The following NR2F1-AS1 variants were observed in gnomAD, a reference collection of about 807,000 sequenced individuals.
NR2F1-AS1 encodes the protein NR2F1 antisense RNA 1.
chr5:93,553,693 T>C (rs962280303), intron 4 of NR2F1-AS1: 3 of 152,220 alleles, frequency 2.0e-5, no homozygotes, highest in Admixed American at 6.5e-5. Context: ...AAACTGTTGT[T>C]TGATAATGCT....
chr5:93,428,855 A>T (rs906103977), intron 4 of NR2F1-AS1, among the ~76,000 whole-genome samples: 1 of 152,218 alleles, frequency 6.6e-6, no homozygotes, highest in Non-Finnish European at 1.5e-5. Context: ...TTTTGTGATC[A>T]GATCTGATTG....
intron 4 of NR2F1-AS1, among the ~76,000 whole-genome samples, chr5:93,499,113 TGAAA>T (rs1226563332): frequency 6.6e-6 from 1 of 152,186 alleles, no homozygotes; most frequent in African/African-American, 2.4e-5. Context: ...TCTTTTCATG[TGAAA>T]GAAAGGGAAA....
At chr5:93,520,146 C>T (rs1489190142) in intron 4 of NR2F1-AS1, among the ~76,000 whole-genome samples, 6 of 152,150 alleles carry the variant, frequency 3.9e-5, no homozygotes, top group South Asian at 2.1e-4. Flanking sequence ...CTGAACTACA[C>T]GCATACCTAT....
chr5:93,451,788 G>C (rs1749836755), intron 4 of NR2F1-AS1, among the ~76,000 whole-genome samples: 1 of 152,064 alleles, frequency 6.6e-6, no homozygotes, highest in Non-Finnish European at 1.5e-5. Flanking sequence ...CAAGCACCTG[G>C]CATATGTTCA....
chr5:93,445,745 A>C (rs1749690318), intron 4 of NR2F1-AS1, among the ~76,000 whole-genome samples: 1 of 151,990 alleles, frequency 6.6e-6, no homozygotes, highest in African/African-American at 2.4e-5. Flanking sequence ...GAGACACAAC[A>C]AAAAAAGAGA....
At chr5:93,584,596 CGA>C (rs1341956728), upstream of NR2F1-AS1, 2 of 136,390 alleles carry the variant, frequency 1.5e-5, no homozygotes, top group African/African-American at 5.5e-5. Flanking sequence ...AAGAAAAAAG[CGA>C]GAGAAGGGAG....
At chr5:93,580,509 C>A (rs1752999936) in exon 1 of NR2F1-AS1, 1 of 152,314 alleles carries the variant, frequency 6.6e-6, no homozygotes, top group Non-Finnish European at 1.5e-5. Flanking sequence ...CTGGTGCCCA[C>A]GACGCACGGT....
chr5:93,473,620 T>TTA (rs956625907), intron 4 of NR2F1-AS1, among the ~76,000 whole-genome samples: 1 of 150,582 alleles, frequency 6.6e-6, no homozygotes, highest in African/African-American at 2.4e-5. Context: ...AATATATATA[T>TTA]TATATATATA....
intron 4 of NR2F1-AS1, chr5:93,542,001 A>G (rs776890839): frequency 1.3e-5 from 2 of 151,534 alleles, no homozygotes; most frequent in Non-Finnish European, 2.9e-5. Context: ...CCAATATGGC[A>G]AAGTACTTTT....
chr5:93,505,587 A>G lies in NR2F1-AS1; in HGVS notation n.638+48174T>C, dbSNP rs573120843. Among the ~76,000 whole-genome samples, 12 of 152,316 alleles carry G rather than the reference A, an allele frequency of 7.9e-5. No homozygotes were observed. In the South Asian group the frequency reaches 2.1e-3, roughly 26 times the overall value. On this transcript the variant is annotated intron_variant and non_coding_transcript_variant, in intron 4 of 5. Transcript: ENST00000660523. ...TCCAGGCAGAGGTTTCCAAACCTCA[A>G]TTCTTGACTTCTGTGCCCTTGCAGG...
intron 4 of NR2F1-AS1, among the ~76,000 whole-genome samples, chr5:93,455,154 C>T (rs1181960164): frequency 1.3e-5 from 2 of 152,120 alleles, no homozygotes; most frequent in Non-Finnish European, 2.9e-5. Flanking sequence ...TAACCTGTGA[C>T]AATCCCCACA....
chr5:93,516,565 G>T (rs1751404863), intron 4 of NR2F1-AS1, among the ~76,000 whole-genome samples: 1 of 151,712 alleles, frequency 6.6e-6, no homozygotes, highest in Non-Finnish European at 1.5e-5. Context: ...AACCCTATAA[G>T]TTATATAAGT....
At chr5:93,541,458 C>T (rs1313141424) in intron 4 of NR2F1-AS1, among the ~76,000 whole-genome samples, 2 of 152,166 alleles carry the variant, frequency 1.3e-5, no homozygotes, top group African/African-American at 4.8e-5. Context: ...AACCTAGTGG[C>T]TATGCCTCCT....
chr5:93,527,815 C>T (rs1043079237), intron 4 of NR2F1-AS1, among the ~76,000 whole-genome samples: 1 of 152,100 alleles, frequency 6.6e-6, no homozygotes, highest in African/African-American at 2.4e-5. Context: ...TGAACCTGGA[C>T]CCCTTCCTTA....
chr5:93,501,439 C>T (rs1400217698), intron 4 of NR2F1-AS1, among the ~76,000 whole-genome samples: 2 of 151,258 alleles, frequency 1.3e-5, no homozygotes, highest in African/African-American at 4.9e-5. Context: ...CAGCAACCTC[C>T]GTGTCCTGGG....
At chr5:93,557,917 T>C (rs998714071) in intron 2 of NR2F1-AS1, among the ~76,000 whole-genome samples, 3 of 152,220 alleles carry the variant, frequency 2.0e-5, no homozygotes, top group Admixed American at 6.5e-5. Context: ...ACTTCAACAG[T>C]GTTCACAGCA....
At chr5:93,445,297 C>A (rs1351211553) in intron 4 of NR2F1-AS1, among the ~76,000 whole-genome samples, 1 of 152,064 alleles carries the variant, frequency 6.6e-6, no homozygotes, top group East Asian at 1.9e-4. Context: ...AATTGATAGA[C>A]AACTAGCAAG....
chr5:93,535,094 A>G (rs1751812557), intron 4 of NR2F1-AS1, among the ~76,000 whole-genome samples: 1 of 152,042 alleles, frequency 6.6e-6, no homozygotes, highest in Non-Finnish European at 1.5e-5. Flanking sequence ...TTAACTCATG[A>G]GTTACTAGAG....
chr5:93,456,778 AC>A (rs1237078428), intron 4 of NR2F1-AS1, among the ~76,000 whole-genome samples: 1 of 151,880 alleles, frequency 6.6e-6, no homozygotes, highest in Non-Finnish European at 1.5e-5. Flanking sequence ...TAGTATCTCT[AC>A]CATATCGGAG....
Sources: gnomAD v4.1 joint callset for allele counts (sites outside exome capture counted in the v4.1 genomes callset) on GRCh38, gnomAD v4.1.1 for gene constraint, MANE v1.5 for transcripts, NCBI Gene and HGNC (gene_info 2026-07-23, HGNC 2026-07-21) for gene names.